The following ENOX1 variants were observed in gnomAD, a reference collection of about 807,000 sequenced individuals.
The protein encoded by ENOX1 is candidate growth-related and time keeping constitutive hydroquinone (NADH) oxidase.
In ENOX1, 42 loss-of-function variants were observed where a neutral mutation model predicts 82.5. The observed-to-expected ratio is 0.51, with a 90% confidence interval of 0.40 to 0.66. The LOEUF (loss-of-function observed/expected upper bound fraction) is 0.66. Among genes scored for constraint, ENOX1 ranks in the 30% least tolerant of loss-of-function variants. ENOX1 has a pLI of 0.00. For synonymous variants in ENOX1, 271 were observed against 282.2 expected (o/e 0.96, Z 0.40); for missense variants, 608 against 811.6 (o/e 0.75, Z 3.05).
intron 13 of ENOX1, among the ~76,000 whole-genome samples, chr13:43,265,679 T>C (rs1250886378): frequency 2.6e-5 from 4 of 152,202 alleles, no homozygotes; most frequent in Admixed American, 2.0e-4. Context: ...TGGGTCTTGG[T>C]CATTATTTTT....
intron 1 of ENOX1, among the ~76,000 whole-genome samples, chr13:43,732,379 T>C (rs1352368428): frequency 6.6e-6 from 1 of 152,242 alleles, no homozygotes; most frequent in Non-Finnish European, 1.5e-5. Context: ...TTCATGAGAA[T>C]ATACTCTCAA....
At chr13:43,307,637 C>T (rs942108749) in intron 11 of ENOX1, among the ~76,000 whole-genome samples, 15 of 152,232 alleles carry the variant, frequency 9.9e-5, no homozygotes, top group Admixed American at 2.6e-4. Context: ...GGCTTCTCTG[C>T]CTCTGCCATG....
At chr13:43,693,472 C>G (rs967669834) in intron 1 of ENOX1, among the ~76,000 whole-genome samples, 3 of 152,166 alleles carry the variant, frequency 2.0e-5, no homozygotes, top group Non-Finnish European at 4.4e-5. Context: ...ACTGCCTGGA[C>G]AGTTAACACT....
chr13:43,409,505 T>C (rs2053992704), intron 5 of ENOX1, among the ~76,000 whole-genome samples: 1 of 152,192 alleles, frequency 6.6e-6, no homozygotes, highest in Non-Finnish European at 1.5e-5. Context: ...GTTATATAAA[T>C]TATCCCATTT....
intron 14 of ENOX1, among the ~76,000 whole-genome samples, chr13:43,249,769 T>C (rs556649609): frequency 9.5e-4 from 144 of 152,298 alleles, no homozygotes; most frequent in African/African-American, 3.4e-3. Context: ...TTGATTATTA[T>C]TAAAGTAAAA....
At chr13:43,767,630 T>G (rs548946424) in intron 1 of ENOX1, among the ~76,000 whole-genome samples, 1 of 152,236 alleles carries the variant, frequency 6.6e-6, no homozygotes, top group Non-Finnish European at 1.5e-5. Flanking sequence ...ACAGCAGATA[T>G]GCTGTAATGG....
rs1305680985 is a variant in ENOX1, at chr13:43,696,810, TAAGAATATA to T, written c.-284-29275_-284-29267del. Reference sequence around the variant, plus strand: ...GATTCCTTTGCTTTTTTTTTTTTTTTAAGAATATATAAGAATATTTCCAGCTGGCCATAT... The same window carrying T: ...GATTCCTTTGCTTTTTTTTTTTTTTTTAAGAATATTTCCAGCTGGCCATAT... On this transcript the variant is annotated intron_variant, in intron 1 of 16. Transcript: ENST00000690772. Among the ~76,000 whole-genome samples the T allele has an allele frequency of 2.8e-4, 42 of 150,662 alleles. 1 individual carries two copies. In the East Asian group the frequency reaches 7.8e-3, roughly 28 times the overall value.
intron 1 of ENOX1, among the ~76,000 whole-genome samples, chr13:43,762,827 G>A (rs938847016): frequency 6.6e-6 from 1 of 152,166 alleles, no homozygotes; most frequent in African/African-American, 2.4e-5. Flanking sequence ...AGCATTACAA[G>A]AAATATTTAT....
chr13:43,336,267 A>T (rs937451109), intron 9 of ENOX1, among the ~76,000 whole-genome samples: 1 of 152,222 alleles, frequency 6.6e-6, no homozygotes, highest in East Asian at 1.9e-4. Context: ...GAGGACACCA[A>T]TCTGCCTAAA....
chr13:43,338,515 T>G (rs2048847702), intron 9 of ENOX1, among the ~76,000 whole-genome samples: 1 of 152,006 alleles, frequency 6.6e-6, no homozygotes, highest in South Asian at 2.1e-4. Flanking sequence ...AAATGAGGTC[T>G]ATCCAGCTGG....
chr13:43,632,699 G>A (rs747755840), intron 2 of ENOX1, among the ~76,000 whole-genome samples: 9 of 151,904 alleles, frequency 5.9e-5, no homozygotes, highest in Non-Finnish European at 1.2e-4. Context: ...CACCTGCCTC[G>A]GCTTCCCAAA....
intron 3 of ENOX1, among the ~76,000 whole-genome samples, chr13:43,437,469 T>C (rs2056102917): frequency 6.6e-6 from 1 of 152,168 alleles, no homozygotes; most frequent in Non-Finnish European, 1.5e-5. Context: ...CATTTGACCT[T>C]GAGAACTTAG....
intron 14 of ENOX1, among the ~76,000 whole-genome samples, chr13:43,252,128 C>T (rs1376085631): frequency 6.6e-6 from 1 of 152,144 alleles, no homozygotes; most frequent in Non-Finnish European, 1.5e-5. Flanking sequence ...AGCTCACCAG[C>T]GTACACTGAA....
chr13:43,365,715 A>C (rs2050805146), intron 5 of ENOX1, among the ~76,000 whole-genome samples: 1 of 152,242 alleles, frequency 6.6e-6, no homozygotes, highest in African/African-American at 2.4e-5. Context: ...GGTTTGGGGA[A>C]GGAGATAGAC....
intron 8 of ENOX1, among the ~76,000 whole-genome samples, chr13:43,345,298 T>C (rs1011228587): frequency 1.3e-5 from 2 of 152,240 alleles, no homozygotes; most frequent in Non-Finnish European, 2.9e-5. Context: ...TCTACTGTAG[T>C]TCAAAACTAA....
chr13:43,689,153 G>T (rs1566774686), intron 1 of ENOX1, among the ~76,000 whole-genome samples: 1 of 152,306 alleles, frequency 6.6e-6, no homozygotes, highest in East Asian at 1.9e-4. Context: ...GACAAATGCA[G>T]TCTAGCTGTG....
chr13:43,606,941 G>A (rs564595659), intron 2 of ENOX1, among the ~76,000 whole-genome samples: 7 of 152,258 alleles, frequency 4.6e-5, no homozygotes, highest in African/African-American at 1.7e-4. Context: ...CCAGGAGGCA[G>A]AGGTTGCAGT....
intron 1 of ENOX1, among the ~76,000 whole-genome samples, chr13:43,738,708 T>C (rs2089749173): frequency 7.8e-6 from 1 of 129,006 alleles, no homozygotes. Context: ...TTGATTATAG[T>C]AATATATATA....
chr13:43,360,402 C>T (rs1013939283), intron 6 of ENOX1, among the ~76,000 whole-genome samples: 3 of 152,112 alleles, frequency 2.0e-5, no homozygotes, highest in African/African-American at 7.2e-5. Context: ...GAAATGACAA[C>T]ATGATGAAAA....
Sources: gnomAD v4.1 joint callset for allele counts (sites outside exome capture counted in the v4.1 genomes callset) on GRCh38, gnomAD v4.1.1 for gene constraint, MANE v1.5 for transcripts, NCBI Gene and HGNC (gene_info 2026-07-23, HGNC 2026-07-21) for gene names.